Variants in RANBP17 observed in about 807,000 individuals in gnomAD.
RANBP17 encodes the protein RAN binding protein 17, also known as ran-binding protein 17.
A neutral mutation model predicts 141.2 loss-of-function variants in RANBP17; 158 were observed. The ratio of observed to expected loss-of-function variants is 1.12; its 90% CI spans 0.98 to 1.28. The LOEUF is 1.28. RANBP17 is among the 50% of genes most tolerant of loss of function. RANBP17 has a pLI of 0.00. For synonymous variants in RANBP17, 430 were observed against 450.0 expected, an observed-to-expected ratio of 0.96 and a Z score of 0.56; for missense variants, 1,438 against 1,290.7, an observed-to-expected ratio of 1.11 and a Z score of -1.75.
At chr5:171,179,460 G>A (rs1760738240) in intron 16 of RANBP17, among the ~76,000 whole-genome samples, 1 of 152,048 alleles carries the variant, frequency 6.6e-6, no homozygotes. Context: ...TCTACTTTGT[G>A]CATATAACCT....
Position 171,057,451 on chromosome 5 carries a change from G to T in RANBP17, c.1710+89074G>T, listed in dbSNP as rs76151538. Among the ~76,000 whole-genome samples the T allele has an allele frequency of 6.1e-3, 924 of 151,830 alleles. 9 individuals carry two copies. The highest frequency in any genetic ancestry group is 0.021 in the African/African-American group (881 of 41,374). ...TTTTTTCACTTAATTATATCTCCTG[G>T]AAATCATTCCATTTCAATACATAGA... On this transcript the variant is annotated intron_variant, in intron 14 of 27. Coordinates refer to ENST00000523189, the MANE Select transcript of RANBP17 (RefSeq NM_022897.5).
intron 12 of RANBP17, among the ~76,000 whole-genome samples, chr5:170,952,330 A>G (rs189433574): frequency 5.3e-5 from 8 of 152,094 alleles, no homozygotes; most frequent in Admixed American, 1.3e-4. Flanking sequence ...TTACTCTCCT[A>G]CTTAATCTAT....
At chr5:171,243,728 A>C (rs913424192) in intron 24 of RANBP17, among the ~76,000 whole-genome samples, 1 of 152,194 alleles carries the variant, frequency 6.6e-6, no homozygotes, top group Non-Finnish European at 1.5e-5. Context: ...GGTGTGAAGT[A>C]GAATCTTCAA....
chr5:170,866,804 T>C (rs953783145), intron 1 of RANBP17: 8 of 152,230 alleles, frequency 5.3e-5, no homozygotes, highest in African/African-American at 1.9e-4. Context: ...AATGTAAAGA[T>C]GGTGAACAGA....
At chr5:171,061,649 G>T (rs1354853737) in intron 14 of RANBP17, among the ~76,000 whole-genome samples, 6 of 152,268 alleles carry the variant, frequency 3.9e-5, no homozygotes, top group East Asian at 1.9e-4. Flanking sequence ...GTTGATTTGG[G>T]GTGGAGAGTT....
chr5:171,172,548 C>A (rs2127888128), intron 16 of RANBP17, among the ~76,000 whole-genome samples: 1 of 148,678 alleles, frequency 6.7e-6, no homozygotes, highest in Non-Finnish European at 1.5e-5. Context: ...ATATTTTTTT[C>A]TAATAATAAT....
rs1764844428 is a variant in RANBP17 at position 171,241,013 on chromosome 5, T to C, written c.2508T>C (p.Ala836=). ...AGGGCATCTCCATCTGCTATTCAGC[T>C]CTCAAGTCTGCCTTGTGTGGAAATT... is the stretch of plus-strand genomic sequence containing the variant. The part of the protein sequence containing the change: ...KLKGISICYS[A]LKSALCGNYV... The change falls in exon 23 of 28, where the codon GCT becomes GCC. Residue 836 remains alanine, a synonymous_variant. Coordinates refer to ENST00000523189, the MANE Select transcript of RANBP17 (RefSeq NM_022897.5). 1.2e-6 allele frequency: 2 copies of C among 1,614,010 alleles called. No individual in the cohort carries two copies. Among genetic ancestry groups the C allele is most frequent in the Non-Finnish European group, 1.7e-6 (2 of 1,179,884 alleles).
chr5:171,265,619 G>A, intron 24 of RANBP17, 62 bp from the exon 25 acceptor site: 1 of 1,398,650 alleles, frequency 7.1e-7, no homozygotes, highest in Non-Finnish European at 9.7e-7. Flanking sequence ...GGAGCCGTTA[G>A]AAAATCAAAT....
At chr5:171,059,281 G>GT (rs1210110717) in intron 14 of RANBP17, among the ~76,000 whole-genome samples, 2 of 152,110 alleles carry the variant, frequency 1.3e-5, no homozygotes, top group African/African-American at 4.8e-5. Flanking sequence ...TTCTTCTAGG[G>GT]TTTTTATGGT....
intron 14 of RANBP17, among the ~76,000 whole-genome samples, chr5:171,088,572 C>T (rs1353872341): frequency 6.6e-6 from 1 of 152,204 alleles, no homozygotes; most frequent in Non-Finnish European, 1.5e-5. Flanking sequence ...CAACTTGTTT[C>T]CATTCTCCCC....
At chr5:171,187,742 G>A (rs1445800) in intron 18 of RANBP17, among the ~76,000 whole-genome samples, 1 of 152,130 alleles carries the variant, frequency 6.6e-6, no homozygotes, top group Non-Finnish European at 1.5e-5. Context: ...CAGTACCTTA[G>A]GATGGGTACT....
chr5:171,194,717 G>A (rs1761861956), intron 18 of RANBP17, among the ~76,000 whole-genome samples: 1 of 152,160 alleles, frequency 6.6e-6, no homozygotes, highest in East Asian at 1.9e-4. Context: ...TTCTTGGGTA[G>A]ATACCTAGGA....
At chr5:170,885,900 CTT>C (rs1370018904) in intron 3 of RANBP17, among the ~76,000 whole-genome samples, 1 of 145,108 alleles carries the variant, frequency 6.9e-6, no homozygotes, top group Non-Finnish European at 1.5e-5. Flanking sequence ...TCCACAGTCT[CTT>C]TCATGATTTC....
In RANBP17 at chr5:171,298,799, G is replaced by A; in HGVS notation, c.3208G>A (p.Ala1070Thr). 2 of 1,614,170 alleles carry A rather than the reference G, an allele frequency of 1.2e-6. No individual in the cohort carries two copies. The highest frequency in any genetic ancestry group is 1.7e-6 in the Non-Finnish European group (2 of 1,180,008). The change falls in exon 28 of 28, where the codon GCA becomes ACA. Residue 1070 changes from alanine (A) to threonine (T), a missense_variant. Transcript: ENST00000523189. Reference protein sequence around the residue: ...QNLSVFRRDVAEALRSDGNTE... With the variant: ...QNLSVFRRDVTEALRSDGNTE... The stretch of plus-strand genomic sequence containing the variant: ...TCTGTCTGTATTCAGAAGAGATGTG[G>A]CAGAGGCGTTGCGCAGTGATGGCAA...
chr5:171,187,575 C>A (rs1002444902), intron 18 of RANBP17, among the ~76,000 whole-genome samples: 1 of 151,948 alleles, frequency 6.6e-6, no homozygotes, highest in Non-Finnish European at 1.5e-5. Context: ...ATTAAAAATG[C>A]TAAATGTCGA....
chr5:170,994,995 A>G (rs1376321127), intron 14 of RANBP17, among the ~76,000 whole-genome samples: 1 of 152,088 alleles, frequency 6.6e-6, no homozygotes, highest in Non-Finnish European at 1.5e-5. Flanking sequence ...ACTGATACCT[A>G]TTCAAGGCCT....
chr5:171,003,346 C>T (rs929238866), intron 14 of RANBP17, among the ~76,000 whole-genome samples: 1 of 152,104 alleles, frequency 6.6e-6, no homozygotes, highest in Non-Finnish European at 1.5e-5. Flanking sequence ...AGCTAGGTTT[C>T]CTTTTGTGAG....
intron 14 of RANBP17, among the ~76,000 whole-genome samples, chr5:171,006,644 T>A (rs1779636471): frequency 1.3e-5 from 2 of 151,970 alleles, no homozygotes; most frequent in Middle Eastern, 6.8e-3. Flanking sequence ...TACCTAATGT[T>A]ACATGACGAG....
intron 1 of RANBP17, among the ~76,000 whole-genome samples, chr5:170,863,317 G>A (rs1190887336): frequency 6.6e-6 from 1 of 152,084 alleles, no homozygotes; most frequent in Admixed American, 6.6e-5. Context: ...GGAGGGAAGG[G>A]AATTTCATAA....
Sources: gnomAD v4.1 joint callset for allele counts (sites outside exome capture counted in the v4.1 genomes callset) on GRCh38, gnomAD v4.1.1 for gene constraint, MANE v1.5 for transcripts, NCBI Gene and HGNC (gene_info 2026-07-23, HGNC 2026-07-21) for gene names.